The following XPR1 variants were observed in gnomAD, a reference collection of about 807,000 sequenced individuals.
The protein encoded by XPR1 is solute carrier family 53 member 1.
XPR1 carries 28 observed loss-of-function variants against 87.5 expected under a neutral mutation model. The ratio of observed to expected loss-of-function variants is 0.32; its 90% CI spans 0.24 to 0.44. XPR1 has a LOEUF of 0.44. Ranked by LOEUF, XPR1 falls within the 20% of genes least tolerant of loss-of-function variation. The pLI, the probability that XPR1 is intolerant of heterozygous loss-of-function variation, is 1.00. For missense variants in XPR1, 559 were observed against 862.3 expected, an observed-to-expected ratio of 0.65 and a Z score of 4.41; for synonymous variants, 300 against 306.1, an observed-to-expected ratio of 0.98 and a Z score of 0.21.
intron 3 of XPR1, among the ~76,000 whole-genome samples, chr1:180,788,351 CTTTAT>C (rs1649257119): frequency 6.6e-6 from 1 of 152,090 alleles, no homozygotes; most frequent in Non-Finnish European, 1.5e-5. Context: ...CTCTTTTGAA[CTTTAT>C]TTTTTGTACA....
At chr1:180,866,832 T>A (rs1652412031) in intron 12 of XPR1, among the ~76,000 whole-genome samples, 1 of 145,720 alleles carries the variant, frequency 6.9e-6, no homozygotes, top group Non-Finnish European at 1.5e-5. Flanking sequence ...TTTATTATAC[T>A]CTAAGTTTTA....
intron 1 of XPR1, among the ~76,000 whole-genome samples, chr1:180,646,765 C>T (rs73047700): frequency 0.043 from 6,502 of 151,986 alleles, 492 homozygotes; most frequent in African/African-American, 0.15. Context: ...AGGAAAGAGG[C>T]GTGGGTGGAA....
intron 7 of XPR1, among the ~76,000 whole-genome samples, chr1:180,817,164 TC>T (rs1253904169): frequency 6.6e-6 from 1 of 152,026 alleles, no homozygotes; most frequent in Non-Finnish European, 1.5e-5. Context: ...AAAAAATACG[TC>T]TATATTGTTA....
intron 12 of XPR1, among the ~76,000 whole-genome samples, chr1:180,873,175 A>G (rs1023073085): frequency 9.9e-5 from 15 of 152,198 alleles, no homozygotes; most frequent in African/African-American, 3.6e-4. Context: ...CAATTTGTGT[A>G]CTTAAGACTT....
intron 1 of XPR1, among the ~76,000 whole-genome samples, chr1:180,678,150 C>T (rs751907614): frequency 1.3e-5 from 2 of 152,222 alleles, no homozygotes; most frequent in Non-Finnish European, 2.9e-5. Context: ...AGAGCCTGCA[C>T]ATTCATGTGT....
chr1:180,835,196 C>T, intron 10 of XPR1, 151 bp downstream of exon 10: 1 of 849,086 alleles, frequency 1.2e-6, no homozygotes, highest in East Asian at 3.0e-5. Flanking sequence ...TGTTAGCAGT[C>T]TCCTTATCTG....
At chr1:180,869,517 T>A (rs1254451114) in intron 12 of XPR1, among the ~76,000 whole-genome samples, 156 of 114,426 alleles carry the variant, frequency 1.4e-3, no homozygotes, top group Non-Finnish European at 1.8e-3. Context: ...TATTCAGAGA[T>A]TCAACTTCTT....
chr1:180,825,236 C>T lies in XPR1; in HGVS notation c.1026C>T (p.Ile342=), dbSNP rs1650786510. Residue 342 remains isoleucine (I), a synonymous_variant, in exon 9 of 15, where the codon ATC becomes ATT. Transcript: ENST00000367590. ...GCTTCTTTGCTCCAATTAGTGTCAT[C>T]CCCACATATGTGTATCCACTTGCCC... The part of the protein sequence containing the change: ...LACFFAPISV[I]PTYVYPLALY... 2 of 1,614,078 alleles carry T rather than the reference C, an allele frequency of 1.2e-6. No individual in the cohort carries two copies. The highest frequency in any genetic ancestry group is 1.7e-5 in the Admixed American group (1 of 60,016).
intron 2 of XPR1, among the ~76,000 whole-genome samples, chr1:180,698,941 C>G (rs560267302): frequency 7.0e-6 from 1 of 143,286 alleles, no homozygotes; most frequent in South Asian, 2.2e-4. Context: ...TCAGAATTCT[C>G]TCTTTGTCTT....
At chr1:180,685,592 T>C (rs535861033) in intron 2 of XPR1, among the ~76,000 whole-genome samples, 3 of 152,314 alleles carry the variant, frequency 2.0e-5, no homozygotes, top group Non-Finnish European at 2.9e-5. Flanking sequence ...TCTGGTAGAA[T>C]TCGGCTGTGA....
chr1:180,659,345 T>TTCCTTCCG (rs776415850), intron 1 of XPR1, among the ~76,000 whole-genome samples: 4 of 122,968 alleles, frequency 3.3e-5, no homozygotes, highest in Non-Finnish European at 5.0e-5. Context: ...CCTTCCGTCC[T>TTCCTTCCG]TCCTTCCGTC....
intron 2 of XPR1, among the ~76,000 whole-genome samples, chr1:180,704,815 T>C (rs12730801): frequency 1.3e-5 from 1 of 77,854 alleles, no homozygotes; most frequent in Non-Finnish European, 2.8e-5. Flanking sequence ...CTGTTGGTTG[T>C]TTTTTTTTTT....
intron 14 of XPR1, 63 bp from the exon 15 acceptor site, chr1:180,883,943 C>T (rs1558051673): frequency 6.9e-7 from 1 of 1,442,280 alleles, no homozygotes; most frequent in Non-Finnish European, 9.7e-7. Flanking sequence ...GTGTCTAATA[C>T]TGTGAAAGTG....
rs181967553 is a variant in XPR1 at position 180,663,731 on chromosome 1, G to A, written c.70-18629G>A. On this transcript the variant is annotated intron_variant, in intron 1 of 14. Coordinates refer to ENST00000367590, the MANE Select transcript of XPR1 (RefSeq NM_004736.4). ...AGGCTTGTGTTCTTCTCTTAAGGGT[G>A]GCAAGTTCCCCAAGTCCCCGGGCAG... Among the ~76,000 whole-genome samples, 696 of 152,280 alleles carry A rather than the reference G, an allele frequency of 4.6e-3. 12 individuals carry two copies. Among genetic ancestry groups the A allele is most frequent in the African/African-American group, 0.016 (672 of 41,534 alleles).
chr1:180,772,120 A>T lies in XPR1; in HGVS notation c.122-15633A>T, dbSNP rs544176671. Among the ~76,000 whole-genome samples, 10 of 152,302 alleles carry T rather than the reference A, an allele frequency of 6.6e-5. No individual in the cohort carries two copies. The South Asian group carries it at 2.1e-3, about 32-fold the overall frequency. On this transcript the variant is annotated intron_variant, in intron 2 of 14. Transcript: ENST00000367590. Reference sequence around the variant, plus strand: ...TTCAGTTATTTATTTATTCATATCAACATGGGCCTTTGAATATGTGCTTTA... The same window carrying T: ...TTCAGTTATTTATTTATTCATATCATCATGGGCCTTTGAATATGTGCTTTA...
chr1:180,662,935 G>A (rs1014828836), intron 1 of XPR1, among the ~76,000 whole-genome samples: 1 of 152,076 alleles, frequency 6.6e-6, no homozygotes, highest in East Asian at 1.9e-4. Context: ...TCTTCAGTAT[G>A]TCAGTTGCAT....
intron 1 of XPR1, among the ~76,000 whole-genome samples, chr1:180,634,792 G>A (rs61809304): frequency 2.6e-5 from 4 of 151,720 alleles, no homozygotes; most frequent in Non-Finnish European, 5.9e-5. Flanking sequence ...AATAAGCAGA[G>A]AATTAGAATC....
Position 180,778,500 on chromosome 1 carries a change from C to T in XPR1, c.122-9253C>T, listed in dbSNP as rs1230127680. On this transcript the variant is annotated intron_variant, in intron 2 of 14. Transcript: ENST00000367590. ...CCTTGATACTGTTGACATTTTGGAC[C>T]GGATAAGTCTGTGTTTGGAGCAGGT... Among the ~76,000 whole-genome samples, 7 of 152,046 alleles carry T rather than the reference C, an allele frequency of 4.6e-5. 1 individual carries two copies. In the East Asian group the frequency reaches 7.7e-4, roughly 17 times the overall value.
chr1:180,639,528 A>G (rs1033417643), intron 1 of XPR1, among the ~76,000 whole-genome samples: 3 of 152,228 alleles, frequency 2.0e-5, no homozygotes, highest in Non-Finnish European at 2.9e-5. Context: ...CTATTCGTAA[A>G]TAACTAGTGA....
Sources: gnomAD v4.1 joint callset for allele counts (sites outside exome capture counted in the v4.1 genomes callset) on GRCh38, gnomAD v4.1.1 for gene constraint, MANE v1.5 for transcripts, NCBI Gene and HGNC (gene_info 2026-07-23, HGNC 2026-07-21) for gene names.